The following RBFOX1 variants were observed in gnomAD, a reference collection of about 807,000 sequenced individuals.
RBFOX1 encodes the protein RNA binding protein fox-1 homolog 1.
Under a neutral mutation model 57.7 loss-of-function variants are expected in RBFOX1, and 8 were observed. The observed-to-expected ratio is 0.14, with a 90% CI of 0.08 to 0.25. RBFOX1 has a LOEUF of 0.25. Ranked by LOEUF, RBFOX1 falls within the 10% of genes least tolerant of loss-of-function variation. RBFOX1 has a pLI of 1.00. For missense variants in RBFOX1, 611 were observed against 548.5 expected (o/e 1.11, Z -1.14); for synonymous variants, 326 against 222.4 (o/e 1.47, Z -4.15).
chr16:7,601,421 TAA>T (rs2095017911), intron 9 of RBFOX1, among the ~76,000 whole-genome samples: 1 of 152,228 alleles, frequency 6.6e-6, no homozygotes. Context: ...GTTTCAATAT[TAA>T]GTCATCATAT....
chr16:6,800,533 C>G (rs751314905), intron 3 of RBFOX1, among the ~76,000 whole-genome samples: 8 of 152,212 alleles, frequency 5.3e-5, no homozygotes, highest in Admixed American at 1.3e-4. Flanking sequence ...GCCGCCCTTC[C>G]GTGCACGCTA....
intron 3 of RBFOX1, among the ~76,000 whole-genome samples, chr16:6,661,958 G>C (rs973458688): frequency 1.3e-5 from 2 of 152,160 alleles, no homozygotes; most frequent in African/African-American, 4.8e-5. Context: ...CCATTGAAAC[G>C]AAGGGAAATC....
intron 4 of RBFOX1, among the ~76,000 whole-genome samples, chr16:7,471,073 A>C (rs1396914439): frequency 3.3e-5 from 5 of 152,210 alleles, no homozygotes; most frequent in Non-Finnish European, 7.3e-5. Context: ...AATAAAATGA[A>C]AATGTTCTTC....
chr16:7,264,762 T>C (rs1181850229), intron 4 of RBFOX1, among the ~76,000 whole-genome samples: 1 of 152,204 alleles, frequency 6.6e-6, no homozygotes, highest in Non-Finnish European at 1.5e-5. Flanking sequence ...TCAAAATAGA[T>C]AGTGGGGCAC....
At chr16:7,002,550 A>G (rs1296150526) in intron 3 of RBFOX1, among the ~76,000 whole-genome samples, 1 of 152,120 alleles carries the variant, frequency 6.6e-6, no homozygotes, top group East Asian at 1.9e-4. Flanking sequence ...CGTCTCTACT[A>G]AAAATACAAA....
intron 2 of RBFOX1, among the ~76,000 whole-genome samples, chr16:6,322,981 A>T (rs972250961): frequency 3.3e-5 from 5 of 152,140 alleles, no homozygotes; most frequent in African/African-American, 1.2e-4. Context: ...CATTTCCCCT[A>T]TGAATATCTC....
intron 3 of RBFOX1, among the ~76,000 whole-genome samples, chr16:6,854,821 C>G (rs1428432224): frequency 3.3e-5 from 5 of 151,930 alleles, no homozygotes; most frequent in Non-Finnish European, 7.4e-5. Context: ...GTCTGCATCT[C>G]CTGACCTCGT....
At chr16:5,366,129 G>A (rs1037360886) in intron 1 of RBFOX1, 3 of 445,302 alleles carry the variant, frequency 6.7e-6, no homozygotes, top group African/African-American at 4.0e-5. Context: ...GCATGCTAAT[G>A]GACAGCACTT....
intron 1 of RBFOX1, among the ~76,000 whole-genome samples, chr16:6,131,448 G>A (rs1020516971): frequency 1.3e-5 from 2 of 152,158 alleles, no homozygotes; most frequent in Admixed American, 1.3e-4. Context: ...TTTCTAGAAA[G>A]CTTACTACCC....
At chr16:7,634,158 G>A (rs892272585) in intron 11 of RBFOX1, among the ~76,000 whole-genome samples, 5 of 152,150 alleles carry the variant, frequency 3.3e-5, no homozygotes, top group African/African-American at 7.2e-5. Flanking sequence ...CAAAGCTGAG[G>A]CTACCATACT....
intron 4 of RBFOX1, among the ~76,000 whole-genome samples, chr16:7,361,200 C>T (rs1448077275): frequency 2.6e-5 from 4 of 152,150 alleles, no homozygotes; most frequent in African/African-American, 4.8e-5. Context: ...TCAGTGAAGC[C>T]AGTTTCGTTT....
intron 4 of RBFOX1, among the ~76,000 whole-genome samples, chr16:7,365,139 A>G (rs149767488): frequency 6.6e-5 from 10 of 152,338 alleles, no homozygotes; most frequent in Admixed American, 6.5e-4. Flanking sequence ...CATGATGGAT[A>G]GGGTTTCAAG....
chr16:6,059,553 C>G (rs776561434), intron 1 of RBFOX1, among the ~76,000 whole-genome samples: 1 of 152,074 alleles, frequency 6.6e-6, no homozygotes, highest in Non-Finnish European at 1.5e-5. Context: ...TTAAAGGGAA[C>G]TATTCAAAGT....
intron 2 of RBFOX1, among the ~76,000 whole-genome samples, chr16:6,609,734 G>T (rs895496989): frequency 9.9e-5 from 15 of 152,120 alleles, no homozygotes; most frequent in Non-Finnish European, 1.9e-4. Flanking sequence ...AATGGGTCAG[G>T]CATGGTGAAT....
In RBFOX1 at chr16:6,463,841, G is replaced by A. The variant is rs867177023; in HGVS notation, c.-64+146784G>A. On this transcript the variant is annotated intron_variant, in intron 2 of 15. Transcript: ENST00000550418. Reference sequence around the variant, plus strand: ...ACAATCCCCACTGTTAGAAGGAGGTGAGTTCCTCACTGGCTAGACTAGCTC... The same window carrying A: ...ACAATCCCCACTGTTAGAAGGAGGTAAGTTCCTCACTGGCTAGACTAGCTC... Among the ~76,000 whole-genome samples, 141 of 152,188 alleles carry A rather than the reference G, an allele frequency of 9.3e-4. 1 individual carries two copies. Among genetic ancestry groups the A allele is most frequent in the African/African-American group, 3.2e-3 (133 of 41,540 alleles).
chr16:5,565,681 C>A (rs957303453), intron 2 of RBFOX1, among the ~76,000 whole-genome samples: 1 of 149,310 alleles, frequency 6.7e-6, no homozygotes, highest in Non-Finnish European at 1.5e-5. Context: ...ATTTGCAAGT[C>A]GTTTTCCCTC....
At chr16:5,998,731 G>A (rs1220221394) in intron 4 of RBFOX1, among the ~76,000 whole-genome samples, 1 of 152,108 alleles carries the variant, frequency 6.6e-6, no homozygotes, top group East Asian at 1.9e-4. Context: ...GTCTCTGATT[G>A]TCCATAATTA....
At chr16:6,640,633 A>AAATAAATAAATAAATAAATG (rs779241783) in intron 2 of RBFOX1, among the ~76,000 whole-genome samples, 6 of 151,920 alleles carry the variant, frequency 3.9e-5, no homozygotes, top group African/African-American at 1.5e-4. Context: ...ATAAATAAAT[A>AAATAAATAAATAAATAAATG]AATACTACTT....
chr16:6,533,617 A>G (rs1362743857), intron 2 of RBFOX1, among the ~76,000 whole-genome samples: 2 of 152,146 alleles, frequency 1.3e-5, no homozygotes, highest in Non-Finnish European at 2.9e-5. Flanking sequence ...GCACCAGTGC[A>G]ATTTGAGGAG....
Sources: allele counts gnomAD v4.1 joint callset (sites outside exome capture counted in the v4.1 genomes callset), GRCh38; gene constraint gnomAD v4.1.1; transcripts MANE v1.5; gene names NCBI Gene and HGNC (gene_info 2026-07-23, HGNC 2026-07-21).